Variants in ACTN4 observed in about 807,000 individuals in gnomAD.
ACTN4 encodes the protein actinin alpha 4.
Under a neutral mutation model 114.2 loss-of-function variants are expected in ACTN4, and 18 were observed. The ratio of observed to expected loss-of-function variants is 0.16; its 90% CI spans 0.11 to 0.23. The LOEUF is 0.23. Among genes scored for constraint, ACTN4 ranks in the 10% least tolerant of loss-of-function variants. The probability of loss-of-function intolerance (pLI) is 1.00; values close to 1 mark genes in which losing one functional copy is unlikely to be tolerated. For synonymous variants in ACTN4, 515 were observed against 506.3 expected (o/e 1.02, Z -0.23); for missense variants, 722 against 1,262.9 (o/e 0.57, Z 6.49).
chr19:38,706,146 T>C lies in ACTN4; in HGVS notation c.572+15T>C. On this transcript the variant is annotated intron_variant, in intron 5 of 20. Coordinates refer to ENST00000252699, the MANE Select transcript of ACTN4 (RefSeq NM_004924.6). ...TTCCACATCAGGTAAGCGCCAGTCC[T>C]GGTCATCCTCTCCTTTCCTCTAGGA... 6.2e-7 allele frequency: 1 copy of C among 1,611,290 alleles called. No individual in the cohort carries two copies. The highest frequency in any genetic ancestry group is 8.5e-7 in the Non-Finnish European group (1 of 1,177,476).
intron 1 of ACTN4, among the ~76,000 whole-genome samples, chr19:38,662,021 A>C (rs1303864583): frequency 6.6e-6 from 1 of 152,136 alleles, no homozygotes; most frequent in African/African-American, 2.4e-5. Flanking sequence ...TCTTTCACTT[A>C]GTATTTCCTC....
chr19:38,708,293 C>T (rs1968527415), intron 6 of ACTN4, 98 bp downstream of exon 6: 2 of 1,374,096 alleles, frequency 1.5e-6, no homozygotes, highest in Admixed American at 1.8e-5. Context: ...CGCCAGCCTC[C>T]AGATCTGGGT....
intron 1 of ACTN4, among the ~76,000 whole-genome samples, chr19:38,694,264 C>CTT (rs563718301): frequency 1.3e-4 from 18 of 143,796 alleles, no homozygotes; most frequent in Admixed American, 2.1e-4. Flanking sequence ...CTGGGGCCTT[C>CTT]TTTTTTTTTT....
At chr19:38,685,066 C>A (rs1489975569) in intron 1 of ACTN4, among the ~76,000 whole-genome samples, 1 of 152,172 alleles carries the variant, frequency 6.6e-6, no homozygotes, top group African/African-American at 2.4e-5. Context: ...CTGCCTCAGA[C>A]TCCCAAGTAG....
At chr19:38,725,038 G>A (rs765143026) in intron 16 of ACTN4, among the ~76,000 whole-genome samples, 1 of 152,190 alleles carries the variant, frequency 6.6e-6, no homozygotes, top group African/African-American at 2.4e-5. Context: ...TTGAACCTCT[G>A]ATCCTGTCCT....
At chr19:38,709,337 CCTG>C in intron 6 of ACTN4, 55 bp from the exon 7 acceptor site, 9 of 1,358,004 alleles carry the variant, frequency 6.6e-6, no homozygotes, top group Non-Finnish European at 9.5e-6. Flanking sequence ...CTGCCTCCCT[CCTG>C]CTCCTGCACC....
rs1006142808 is a variant in ACTN4, at chr19:38,681,134, A to G, written c.163-19466A>G. On this transcript the variant is annotated intron_variant, in intron 1 of 20. Coordinates refer to ENST00000252699, the MANE Select transcript of ACTN4 (RefSeq NM_004924.6). Reference sequence around the variant, plus strand: ...GAGTGAGACTCCAATCTCTAGAAAAAAAAAAAAAAAAAAAAAAAAGCAGAT... The same window carrying G: ...GAGTGAGACTCCAATCTCTAGAAAAGAAAAAAAAAAAAAAAAAAAGCAGAT... Among the ~76,000 whole-genome samples the G allele has an allele frequency of 2.0e-5, 3 of 147,166 alleles. No homozygotes were observed. The East Asian group carries it at 6.3e-4, about 31-fold the overall frequency.
chr19:38,700,806 T>C, intron 2 of ACTN4, 92 bp downstream of exon 2: 1 of 1,403,348 alleles, frequency 7.1e-7, no homozygotes, highest in African/African-American at 1.4e-5. Flanking sequence ...AGCTGTCCCA[T>C]TGCTCCTGGG....
At chr19:38,714,633 G>A in intron 9 of ACTN4, 72 bp downstream of exon 9, 1 of 1,484,868 alleles carries the variant, frequency 6.7e-7, no homozygotes, top group Non-Finnish European at 9.4e-7. Flanking sequence ...ACTCTTGCAG[G>A]GGGAAAGCAG....
At chr19:38,679,389 C>T (rs67953948) in intron 1 of ACTN4, among the ~76,000 whole-genome samples, 19,837 of 152,070 alleles carry the variant, frequency 0.13, 1,413 homozygotes, top group Middle Eastern at 0.33. Flanking sequence ...TCCCCTCAAC[C>T]TCTGCAATAT....
intron 1 of ACTN4, among the ~76,000 whole-genome samples, chr19:38,649,579 T>A (rs1451558695): frequency 6.6e-6 from 1 of 152,142 alleles, no homozygotes; most frequent in African/African-American, 2.4e-5. Context: ...ATTCTGTTAA[T>A]AAAGAGGGAT....
chr19:38,706,384 C>T (rs749800666), intron 5 of ACTN4, among the ~76,000 whole-genome samples: 13 of 152,166 alleles, frequency 8.5e-5, no homozygotes, highest in Admixed American at 2.0e-4. Context: ...GAACGTTCTT[C>T]GTCCCCAGGC....
At chr19:38,671,853 C>T (rs1967139319) in intron 1 of ACTN4, among the ~76,000 whole-genome samples, 1 of 152,228 alleles carries the variant, frequency 6.6e-6, no homozygotes, top group Non-Finnish European at 1.5e-5. Context: ...GCTCTGTTAC[C>T]TCTGCACTGG....
chr19:38,716,159 C>T (rs981290262), intron 9 of ACTN4, among the ~76,000 whole-genome samples: 1 of 152,208 alleles, frequency 6.6e-6, no homozygotes, highest in Non-Finnish European at 1.5e-5. Context: ...CTCACCTCAG[C>T]CTCCCAAAGT....
At position 38,675,202 on chromosome 19, in the gene ACTN4, C is replaced by CT. The variant is rs1474004239; in HGVS notation, c.163-25397dup. ...ACTAGATATTTTTGAAATCGGAGGT[C>CT]TGAAACCAGCCGAAGAATTAATCCT... On this transcript the variant is annotated intron_variant, in intron 1 of 20. Transcript: ENST00000252699. Among the ~76,000 whole-genome samples the CT allele has an allele frequency of 4.6e-5, 7 of 152,184 alleles. 1 individual carries two copies. Among genetic ancestry groups the CT allele is most frequent in the African/African-American group, 1.7e-4 (7 of 41,458 alleles).
intron 1 of ACTN4, among the ~76,000 whole-genome samples, chr19:38,662,402 C>T (rs912206374): frequency 6.6e-6 from 1 of 152,106 alleles, no homozygotes; most frequent in Non-Finnish European, 1.5e-5. Context: ...AAAAATCGCC[C>T]CGTGGGTAGA....
chr19:38,712,439 C>T (rs1157844178), intron 8 of ACTN4, among the ~76,000 whole-genome samples: 2 of 152,290 alleles, frequency 1.3e-5, no homozygotes. Context: ...TTGTTCTGGG[C>T]GTGAAACGAG....
intron 1 of ACTN4, among the ~76,000 whole-genome samples, chr19:38,686,965 CTTTT>C (rs34122839): frequency 2.2e-5 from 3 of 138,108 alleles, no homozygotes; most frequent in Admixed American, 7.2e-5. Flanking sequence ...GGCAGAGTCT[CTTTT>C]TTTTTTTTTT....
At chr19:38,651,651 C>A (rs576736079) in intron 1 of ACTN4, among the ~76,000 whole-genome samples, 2 of 152,088 alleles carry the variant, frequency 1.3e-5, no homozygotes, top group South Asian at 4.2e-4. Flanking sequence ...CGGAGTTTTG[C>A]TCTTGTTGCC....
Sources: allele counts gnomAD v4.1 joint callset (sites outside exome capture counted in the v4.1 genomes callset), GRCh38; gene constraint gnomAD v4.1.1; transcripts MANE v1.5; gene names NCBI Gene and HGNC (gene_info 2026-07-23, HGNC 2026-07-21).